Variants in PLXNA4 observed in about 807,000 individuals in gnomAD.
PLXNA4 encodes the protein plexin-A4.
A neutral mutation model predicts 191.8 loss-of-function variants in PLXNA4; 44 were observed. That is an observed-to-expected ratio of 0.23 (90% CI 0.18 to 0.29). PLXNA4 has a LOEUF of 0.29. Among genes scored for constraint, PLXNA4 ranks in the 10% least tolerant of loss-of-function variants. The pLI is 1.00. For synonymous variants in PLXNA4, 1,082 were observed against 1,009.5 expected (o/e 1.07, Z -1.36); for missense variants, 1,800 against 2,488.8 (o/e 0.72, Z 5.89).
chr7:132,198,417 A>G (rs1797320657), intron 13 of PLXNA4, 68 bp downstream of exon 13: 2 of 1,541,762 alleles, frequency 1.3e-6, no homozygotes, highest in Non-Finnish European at 1.7e-6. Context: ...GTTGCTGACC[A>G]GGACATCCCT....
chr7:132,434,222 G>A lies in PLXNA4; in HGVS notation c.1371+55070C>T, dbSNP rs556833925. Among the ~76,000 whole-genome samples the A allele has an allele frequency of 2.6e-5, 4 of 152,250 alleles. No homozygotes were observed. The East Asian group carries it at 5.8e-4, about 22-fold the overall frequency. On this transcript the variant is annotated intron_variant, in intron 3 of 31. Coordinates refer to ENST00000321063, the MANE Select transcript of PLXNA4 (RefSeq NM_020911.2). ...CACTGGCATCAGATTTGGCACTCCG[G>A]TGCTGGCTTTCCAAGCTCTCTTTTG... is the stretch of plus-strand genomic sequence containing the variant.
At chr7:132,223,735 T>C in intron 8 of PLXNA4, 94 bp from the exon 9 acceptor site, 2 of 964,470 alleles carry the variant, frequency 2.1e-6, no homozygotes, top group Admixed American at 2.0e-5. Flanking sequence ...ACATTTTTAG[T>C]ATTAAGAGAA....
rs751516380 is a variant in PLXNA4, at chr7:132,508,577, T to C, written c.117A>G (p.Ser39=). 3.1e-6 allele frequency: 5 copies of C among 1,613,992 alleles called. No individual in the cohort carries two copies. Among genetic ancestry groups the C allele is most frequent in the Non-Finnish European group, 4.2e-6 (5 of 1,180,010 alleles). ...CGGGCTCTCCTCGGAATGTGACAAA[T>C]GACCGCTGCTTCTGGGACAGCGGGG... ...QPAPLSQKQR[S]FVTFRGEPAE... The change falls in exon 2 of 32, where the codon TCA becomes TCG. Residue 39 remains serine, a synonymous_variant. Transcript: ENST00000321063. This position sits in a 1 kb window ranked among gnomAD's most constrained non-coding sequence, Gnocchi z 4.4.
intron 1 of PLXNA4, among the ~76,000 whole-genome samples, chr7:132,519,002 G>C (rs1315568179): frequency 6.6e-6 from 1 of 152,224 alleles, no homozygotes; most frequent in Non-Finnish European, 1.5e-5. Context: ...ACCACGTGGA[G>C]ATCGCCTTGA....
rs1178755621 is a variant in PLXNA4, at chr7:132,543,023, C to T, written c.-87+33399G>A. On this transcript the variant is annotated intron_variant, in intron 1 of 31. Transcript: ENST00000321063. ...TTCTGCTGGTTCTCGGTCATGTTGA[C>T]TTATTTCCTTGTGTGTCAGCTTATC... Among the ~76,000 whole-genome samples the T allele has an allele frequency of 2.0e-5, 3 of 152,116 alleles. No homozygotes were observed. In the East Asian group the frequency reaches 5.8e-4, roughly 29 times the overall value.
intron 4 of PLXNA4, among the ~76,000 whole-genome samples, chr7:132,295,300 A>T (rs1801036058): frequency 6.6e-6 from 1 of 152,210 alleles, no homozygotes; most frequent in Non-Finnish European, 1.5e-5. Flanking sequence ...CTGGTCTGAC[A>T]AGAGCTACTA....
chr7:132,223,898 C>G (rs922826609), intron 8 of PLXNA4, among the ~76,000 whole-genome samples: 4 of 152,166 alleles, frequency 2.6e-5, no homozygotes, highest in African/African-American at 9.7e-5. Context: ...CCTCCTCCAT[C>G]TCCATGGGAT....
At chr7:132,502,296 G>T (rs981147929) in intron 2 of PLXNA4, among the ~76,000 whole-genome samples, 1 of 152,184 alleles carries the variant, frequency 6.6e-6, no homozygotes, top group African/African-American at 2.4e-5. Flanking sequence ...GGAACGGCAC[G>T]TGGAAGGGGA....
intron 1 of PLXNA4, among the ~76,000 whole-genome samples, chr7:132,575,474 C>T (rs1351177683): frequency 1.3e-5 from 2 of 152,114 alleles, no homozygotes; most frequent in African/African-American, 4.8e-5. Flanking sequence ...CCTCGTGCTT[C>T]CCCCTTCTAG....
intron 1 of PLXNA4, among the ~76,000 whole-genome samples, chr7:132,570,345 G>A (rs1050330809): frequency 9.2e-5 from 14 of 152,204 alleles, no homozygotes; most frequent in South Asian, 8.3e-4. Flanking sequence ...ACATCCTGAC[G>A]TCTGCTACTG....
chr7:132,245,209 G>C (rs1179241549), intron 4 of PLXNA4, among the ~76,000 whole-genome samples: 1 of 152,162 alleles, frequency 6.6e-6, no homozygotes, highest in African/African-American at 2.4e-5. Flanking sequence ...AGAGGGGCGG[G>C]GGAGGGACTT....
At chr7:132,594,869 GGTCT>G (rs1313299880) in intron 2 of PLXNA4, among the ~76,000 whole-genome samples, 2 of 151,650 alleles carry the variant, frequency 1.3e-5, no homozygotes, top group Non-Finnish European at 2.9e-5. Flanking sequence ...GAGATTTCTG[GGTCT>G]AGTCCAGTGG....
intron 22 of PLXNA4, among the ~76,000 whole-genome samples, chr7:132,165,842 A>C (rs1344395456): frequency 6.6e-6 from 1 of 152,134 alleles, no homozygotes; most frequent in African/African-American, 2.4e-5. Flanking sequence ...CCTCAGCTAA[A>C]GGCTCCCAGC....
At chr7:132,305,361 AACACACACAC>A (rs57158164) in intron 3 of PLXNA4, among the ~76,000 whole-genome samples, 1,753 of 131,176 alleles carry the variant, frequency 0.013, 22 homozygotes, top group African/African-American at 0.035. Context: ...GCTTACCAAG[AACACACACAC>A]ACACACACAC....
chr7:132,400,846 C>G (rs1321123450), intron 3 of PLXNA4, among the ~76,000 whole-genome samples: 2 of 152,186 alleles, frequency 1.3e-5, no homozygotes, highest in East Asian at 3.8e-4. Flanking sequence ...GATTATTTCT[C>G]ACTTGCAATA....
At chr7:132,444,562 C>T (rs1405556759) in intron 3 of PLXNA4, among the ~76,000 whole-genome samples, 1 of 152,232 alleles carries the variant, frequency 6.6e-6, no homozygotes, top group Non-Finnish European at 1.5e-5. Context: ...AAAGAGGACC[C>T]AGTTCTGTCC....
chr7:132,162,672 C>T (rs751646115), intron 24 of PLXNA4, among the ~76,000 whole-genome samples: 2 of 151,750 alleles, frequency 1.3e-5, no homozygotes, highest in Non-Finnish European at 2.9e-5. Flanking sequence ...TAATCGGAGC[C>T]TCTCTCTCTC....
intron 1 of PLXNA4, among the ~76,000 whole-genome samples, chr7:132,563,670 CCTCCT>C (rs1801503564): frequency 7.7e-6 from 1 of 129,128 alleles, no homozygotes; most frequent in Non-Finnish European, 1.7e-5. Context: ...TCCTCCTTCT[CCTCCT>C]CTTTCTCCTC....
At chr7:132,421,461 C>T (rs1488888271) in intron 3 of PLXNA4, among the ~76,000 whole-genome samples, 5 of 152,174 alleles carry the variant, frequency 3.3e-5, no homozygotes, top group South Asian at 2.1e-4. Flanking sequence ...AAAATTCCCC[C>T]GTTCTGCTCA....
Sources: gnomAD v4.1 joint callset for allele counts (sites outside exome capture counted in the v4.1 genomes callset) on GRCh38, gnomAD v4.1.1 for gene constraint, Gnocchi (gnomAD v3.1) non-coding constraint, MANE v1.5 for transcripts, NCBI Gene and HGNC (gene_info 2026-07-23, HGNC 2026-07-21) for gene names.